Variants in CCDC30 observed in about 807,000 individuals in gnomAD.
CCDC30 encodes the protein coiled-coil domain containing 30, also known as coiled-coil domain-containing protein 30.
A neutral mutation model predicts 100.2 loss-of-function variants in CCDC30; 70 were observed. That is an observed-to-expected ratio of 0.70 (90% CI 0.58 to 0.85). The LOEUF is 0.85. CCDC30 is among the 40% of genes least tolerant of loss of function. CCDC30 has a pLI of 0.00. For missense variants in CCDC30, 652 were observed against 771.2 expected (o/e 0.85, Z 1.83); for synonymous variants, 233 against 269.5 (o/e 0.86, Z 1.33).
At chr1:42,654,979 C>T (rs1648613749), downstream of CCDC30, among the ~76,000 whole-genome samples, 1 of 151,918 alleles carries the variant, frequency 6.6e-6, no homozygotes. Context: ...TCCCAAAGTG[C>T]TGGGATTACA....
intron 6 of CCDC30, 128 bp downstream of exon 7, chr1:42,536,729 A>G (rs944167349): frequency 3.0e-6 from 2 of 665,510 alleles, no homozygotes; most frequent in East Asian, 2.7e-5. Flanking sequence ...ACCACAGACT[A>G]GGTGGCTCAA....
the CCDC30 span, chr1:42,456,944 G>C: frequency 6.2e-7 from 1 of 1,606,656 alleles, no homozygotes; most frequent in Non-Finnish European, 8.5e-7. Flanking sequence ...TGCACTTCCG[G>C]GTTTTGCTGA....
At chr1:42,631,835 G>A (rs1250543624) in intron 11 of CCDC30, among the ~76,000 whole-genome samples, 4 of 152,064 alleles carry the variant, frequency 2.6e-5, no homozygotes, top group Admixed American at 2.0e-4. Flanking sequence ...AAATCAGCTT[G>A]TGGTGAATGC....
At chr1:42,518,428 T>C (rs929752752) in intron 6 of CCDC30, among the ~76,000 whole-genome samples, 1 of 152,238 alleles carries the variant, frequency 6.6e-6, no homozygotes, top group Admixed American at 6.5e-5. Context: ...TTATGCAGCA[T>C]AATGGACTAC....
intron 6 of CCDC30, among the ~76,000 whole-genome samples, chr1:42,548,416 G>A (rs180716976): frequency 1.6e-4 from 25 of 152,242 alleles, no homozygotes; most frequent in Admixed American, 2.0e-4. Context: ...TGGGGTAAGA[G>A]AGTTGACCAT....
At chr1:42,574,379 T>C (rs1645791741) in intron 7 of CCDC30, among the ~76,000 whole-genome samples, 1 of 152,002 alleles carries the variant, frequency 6.6e-6, no homozygotes, top group African/African-American at 2.4e-5. Context: ...TTTTTTAAAG[T>C]TTTACAGAAA....
intron 6 of CCDC30, among the ~76,000 whole-genome samples, chr1:42,565,157 A>T (rs1399049738): frequency 6.6e-6 from 1 of 152,112 alleles, no homozygotes; most frequent in Non-Finnish European, 1.5e-5. Flanking sequence ...GATTTTTTGG[A>T]TGTGACTCTA....
intron 4 of CCDC30, among the ~76,000 whole-genome samples, chr1:42,490,989 A>G (rs972731141): frequency 6.6e-6 from 1 of 152,158 alleles, no homozygotes; most frequent in Non-Finnish European, 1.5e-5. Context: ...CTATATAAAA[A>G]TGCTACCAGT....
At chr1:42,621,901 C>A (rs1646844471) in intron 11 of CCDC30, among the ~76,000 whole-genome samples, 2 of 152,288 alleles carry the variant, frequency 1.3e-5, no homozygotes, top group East Asian at 3.9e-4. Context: ...CCTGCCTCAG[C>A]CTCCCAAAGT....
At chr1:42,540,770 A>G (rs2148526826) in intron 6 of CCDC30, among the ~76,000 whole-genome samples, 1 of 152,292 alleles carries the variant, frequency 6.6e-6, no homozygotes. Flanking sequence ...TGGGTTTACT[A>G]AAAACAATAA....
At chr1:42,504,200 G>A (rs543724939) in intron 6 of CCDC30, among the ~76,000 whole-genome samples, 30 of 152,334 alleles carry the variant, frequency 2.0e-4, no homozygotes, top group Non-Finnish European at 3.2e-4. Flanking sequence ...GCCTTTAAGC[G>A]GTTTTCCGCC....
chr1:42,612,873 T>C (rs994871733), intron 11 of CCDC30, among the ~76,000 whole-genome samples: 2 of 152,210 alleles, frequency 1.3e-5, no homozygotes, highest in African/African-American at 4.8e-5. Flanking sequence ...TAAGAATTAC[T>C]CACTGGTCTG....
intron 1 of CCDC30, chr1:42,473,390 T>C (rs1643830119): frequency 1.3e-6 from 1 of 746,708 alleles, no homozygotes; most frequent in Non-Finnish European, 1.8e-6. Context: ...AACTAATGTT[T>C]GGCTATCACT....
chr1:42,635,051 T>A (rs72637941), intron 11 of CCDC30, among the ~76,000 whole-genome samples: 13,594 of 151,946 alleles, frequency 0.089, 884 homozygotes, highest in East Asian at 0.28. Flanking sequence ...CCGTATTTGG[T>A]TTTTTTTGTT....
chr1:42,648,393 G>A (rs751557443), intron 15 of CCDC30, among the ~76,000 whole-genome samples: 10 of 152,190 alleles, frequency 6.6e-5, no homozygotes, highest in South Asian at 2.1e-4. Context: ...AGAGCAGGCC[G>A]GGCGCAGTGG....
the CCDC30 span, chr1:42,456,543 A>G: frequency 1.4e-6 from 2 of 1,448,224 alleles, no homozygotes; most frequent in Non-Finnish European, 1.8e-6. Flanking sequence ...AAACGTGCGC[A>G]GGCGCCGGCC....
downstream of CCDC30, among the ~76,000 whole-genome samples, chr1:42,656,458 C>T (rs1459323403): frequency 2.0e-5 from 3 of 152,112 alleles, no homozygotes; most frequent in Non-Finnish European, 4.4e-5. Context: ...TGGCAAAGCC[C>T]TGTCTCTACT....
chr1:42,491,790 GA>G, intron 4 of CCDC30: 1 of 311,498 alleles, frequency 3.2e-6, no homozygotes, highest in Non-Finnish European at 6.2e-6. Flanking sequence ...AAAGGGAGCC[GA>G]AAATAGAGTG....
At chr1:42,651,407 T>C (rs1358150755) in intron 15 of CCDC30, among the ~76,000 whole-genome samples, 2 of 151,118 alleles carry the variant, frequency 1.3e-5, no homozygotes, top group Non-Finnish European at 2.9e-5. Flanking sequence ...AATTAAAAAG[T>C]AGGCAAAGGG....
Sources: gnomAD v4.1 joint callset for allele counts (sites outside exome capture counted in the v4.1 genomes callset) on GRCh38, gnomAD v4.1.1 for gene constraint, MANE v1.5 for transcripts, NCBI Gene and HGNC (gene_info 2026-07-23, HGNC 2026-07-21) for gene names.